SSB: variants seen among roughly 807,000 people sequenced by gnomAD.
The protein encoded by SSB is lupus La protein.
In SSB, 17 loss-of-function variants were observed where a neutral mutation model predicts 52.9. The observed-to-expected ratio is 0.32, with a 90% CI of 0.22 to 0.48. The LOEUF is 0.48. SSB is among the 20% of genes least tolerant of loss of function. SSB has a pLI of 0.99. For missense variants in SSB, 314 were observed against 463.6 expected, an observed-to-expected ratio of 0.68 and a Z score of 2.96; for synonymous variants, 111 against 152.1, an observed-to-expected ratio of 0.73 and a Z score of 1.99.
rs1413499749 is a variant in SSB at position 169,799,712 on chromosome 2, T to C, written c.-10+736T>C. 5.3e-5 allele frequency among the ~76,000 whole-genome samples: 8 copies of C among 152,068 alleles called. 1 individual carries two copies. The highest frequency in any genetic ancestry group is 3.9e-4 in the Admixed American group (6 of 15,262). Reference sequence around the variant, plus strand: ...AGACAAGACAATGCATAAAATTGAGTAATTTCTCTAGGGGGATGTGGATCA... The same window carrying C: ...AGACAAGACAATGCATAAAATTGAGCAATTTCTCTAGGGGGATGTGGATCA... On this transcript the variant is annotated intron_variant, in intron 1 of 11. Coordinates refer to ENST00000260956, the MANE Select transcript of SSB (RefSeq NM_003142.5).
chr2:169,803,551 AT>A (rs1279524301), intron 2 of SSB, among the ~76,000 whole-genome samples: 2 of 151,918 alleles, frequency 1.3e-5, no homozygotes, highest in Non-Finnish European at 2.9e-5. Flanking sequence ...CGCTTGGCCT[AT>A]TTTTTATAAT....
rs1045751683 is a variant in SSB, at chr2:169,805,936, T to C, written c.345+97T>C. The stretch of plus-strand genomic sequence containing the variant: ...CAGGAATCACAGCCTCACTAATTAC[T>C]GTATGTCCTTTCGTAATATTCTTAA... On this transcript the variant is annotated intron_variant, in intron 4 of 11. Transcript: ENST00000260956. 4.4e-6 allele frequency: 5 copies of C among 1,140,656 alleles called. No individual in the cohort carries two copies. In the African/African-American group the frequency reaches 6.3e-5, roughly 14 times the overall value. The allele number at this position is 1,140,656 out of a possible 1,614,324, so 70.7% of individuals were successfully genotyped here.
intron 2 of SSB, among the ~76,000 whole-genome samples, chr2:169,805,077 C>G (rs1424506308): frequency 6.6e-6 from 1 of 152,080 alleles, no homozygotes; most frequent in African/African-American, 2.4e-5. Context: ...TTGCGGCAAG[C>G]TGAGTTCATG....
At chr2:169,805,998 T>A in intron 4 of SSB, 159 bp downstream of exon 4, 1 of 816,130 alleles carries the variant, frequency 1.2e-6, no homozygotes, top group Non-Finnish European at 2.0e-6. Context: ...TTTGAGACAG[T>A]CTCATCCTGT....
At chr2:169,808,659 A>T in intron 7 of SSB, 106 bp downstream of exon 7, 1 of 1,131,586 alleles carries the variant, frequency 8.8e-7, no homozygotes, top group Non-Finnish European at 1.3e-6. Flanking sequence ...TCTCTTTGCT[A>T]GTGAAACACT....
intron 2 of SSB, among the ~76,000 whole-genome samples, chr2:169,805,170 G>A (rs1211085325): frequency 6.6e-6 from 1 of 152,012 alleles, no homozygotes; most frequent in Non-Finnish European, 1.5e-5. Flanking sequence ...ATTTCTTCCA[G>A]TTCTTTTTAT....
chr2:169,811,075 T>G, intron 10 of SSB, 31 bp downstream of exon 10: 1 of 1,601,626 alleles, frequency 6.2e-7, no homozygotes, highest in Non-Finnish European at 8.5e-7. Context: ...TTTAACAGTT[T>G]GGTTGTTGAA....
chr2:169,807,453 T>C (rs1233678983), intron 6 of SSB, among the ~76,000 whole-genome samples: 2 of 152,108 alleles, frequency 1.3e-5, no homozygotes, highest in African/African-American at 2.4e-5. Flanking sequence ...CTCGTCCACC[T>C]AATTTTTGTA....
Position 169,800,938 on chromosome 2 carries a change from G to T in SSB, c.-9-14G>T. The T allele has an allele frequency of 6.4e-7, 1 of 1,569,340 alleles. No individual in the cohort carries two copies. Among genetic ancestry groups the T allele is most frequent in the Non-Finnish European group, 8.6e-7 (1 of 1,163,282 alleles). On this transcript the variant is annotated splice_polypyrimidine_tract_variant and intron_variant, in intron 1 of 11. Coordinates refer to ENST00000260956, the MANE Select transcript of SSB (RefSeq NM_003142.5). ...ATAAAAAATAACTTTATGCTAATTT[G>T]GGAAATTTTACAGATAGCCGCAATG... is the stretch of plus-strand genomic sequence containing the variant.
intron 3 of SSB, 26 bp downstream of exon 3, chr2:169,805,603 T>G: frequency 6.2e-7 from 1 of 1,612,230 alleles, no homozygotes; most frequent in Non-Finnish European, 8.5e-7. Flanking sequence ...AAATAATCTT[T>G]AGGTTTTCTG....
intron 1 of SSB, 78 bp from the exon 2 acceptor site, chr2:169,800,874 A>T (rs1277259349): frequency 6.3e-6 from 7 of 1,104,288 alleles, no homozygotes; most frequent in Non-Finnish European, 3.8e-6. Flanking sequence ...CGGGATATTA[A>T]TACTTTGTAA....
At chr2:169,806,157 G>A in intron 4 of SSB, 1 of 315,852 alleles carries the variant, frequency 3.2e-6, no homozygotes, top group South Asian at 2.7e-5. Flanking sequence ...GTAGAGACGG[G>A]TCTTCCTGTG....
intron 2 of SSB, among the ~76,000 whole-genome samples, chr2:169,801,509 G>GTTTTTTT (rs79940369): frequency 3.5e-4 from 26 of 73,666 alleles, no homozygotes; most frequent in South Asian, 6.2e-4. Context: ...CTTTAATATA[G>GTTTTTTT]TTTTTTTTTT....
At chr2:169,808,772 T>G in intron 7 of SSB, 88 bp from the exon 8 acceptor site, 1 of 1,187,812 alleles carries the variant, frequency 8.4e-7, no homozygotes, top group Non-Finnish European at 1.2e-6. Context: ...TTAAGTAAGT[T>G]TAGTGATCAT....
intron 1 of SSB, among the ~76,000 whole-genome samples, chr2:169,800,504 A>C (rs886899582): frequency 7.7e-6 from 1 of 129,488 alleles, no homozygotes; most frequent in Non-Finnish European, 1.6e-5. Context: ...ATTGCACTCC[A>C]GCCTGGGCAA....
At position 169,811,675 on chromosome 2, in the gene SSB, G is replaced by A. The variant is rs762071875; in HGVS notation, c.1146G>A (p.Val382=). The change falls in exon 12 of 12, where the codon GTG becomes GTA. Residue 382 remains valine, a synonymous_variant. Transcript: ENST00000260956. ...EHDENGATGP[V]KRAREETDKE... Reference sequence around the variant, plus strand: ...TTAATTGTTACGTTATAGGACCTGTGAAAAGAGCAAGAGAAGAAACAGACA... The same window carrying A: ...TTAATTGTTACGTTATAGGACCTGTAAAAAGAGCAAGAGAAGAAACAGACA... 11 of 1,611,848 alleles carry A rather than the reference G, an allele frequency of 6.8e-6. No individual in the cohort carries two copies. Among genetic ancestry groups the A allele is most frequent in the African/African-American group, 1.3e-5 (1 of 74,756 alleles).
intron 2 of SSB, among the ~76,000 whole-genome samples, chr2:169,803,697 T>C (rs909783014): frequency 4.6e-5 from 7 of 151,856 alleles, no homozygotes; most frequent in Admixed American, 1.3e-4. Flanking sequence ...TGCATTCCAG[T>C]CTGGGCAACA....
Position 169,805,587 on chromosome 2 carries a change from T to C in SSB, c.170+10T>C. ...TGATAAAATTCAACAGGTAACAAGCTTTTAAAAATAATCTTTAGGTTTTCT... is the reference window on the plus strand; with the variant it reads ...TGATAAAATTCAACAGGTAACAAGCCTTTAAAAATAATCTTTAGGTTTTCT... On this transcript the variant is annotated intron_variant, in intron 3 of 11. Coordinates refer to ENST00000260956, the MANE Select transcript of SSB (RefSeq NM_003142.5). 1 of 1,612,680 alleles carries C rather than the reference T, an allele frequency of 6.2e-7. No homozygotes were observed.
chr2:169,810,561 G>A (rs1472570997), intron 9 of SSB, 138 bp downstream of exon 9: 4 of 803,664 alleles, frequency 5.0e-6, no homozygotes, highest in Non-Finnish European at 7.8e-6. Context: ...GCCACTAGAT[G>A]TGATGTCTGA....
Sources: allele counts gnomAD v4.1 joint callset (sites outside exome capture counted in the v4.1 genomes callset), GRCh38; gene constraint gnomAD v4.1.1; transcripts MANE v1.5; gene names NCBI Gene and HGNC (gene_info 2026-07-23, HGNC 2026-07-21).